BCAR3: variants seen among roughly 807,000 people sequenced by gnomAD.
BCAR3 encodes the protein breast cancer anti-estrogen resistance protein 3.
Under a neutral mutation model 80.1 loss-of-function variants are expected in BCAR3, and 37 were observed. The observed-to-expected ratio is 0.46, with a 90% CI of 0.36 to 0.61. The LOEUF (loss-of-function observed/expected upper bound fraction) is 0.61, where lower values mean the gene tolerates loss of function less well. BCAR3 is among the 20% of genes least tolerant of loss of function. The pLI, the probability that BCAR3 is intolerant of heterozygous loss-of-function variation, is 0.00. For missense variants in BCAR3, 978 were observed against 1,068.2 expected (o/e 0.92, Z 1.18); for synonymous variants, 389 against 418.9 (o/e 0.93, Z 0.87).
chr1:93,663,814 T>C (rs1322357932), intron 2 of BCAR3, among the ~76,000 whole-genome samples: 2 of 152,194 alleles, frequency 1.3e-5, no homozygotes, highest in Non-Finnish European at 2.9e-5. Flanking sequence ...AAGGAGCAGG[T>C]TCAGACTGGA....
intron 2 of BCAR3, among the ~76,000 whole-genome samples, chr1:93,816,105 AGAGAGTGAG>A (rs1414991382): frequency 6.6e-6 from 1 of 152,206 alleles, no homozygotes; most frequent in Non-Finnish European, 1.5e-5. Flanking sequence ...GAAAATTCCA[AGAGAGTGAG>A]GACTATGCTG....
At chr1:93,733,146 G>T (rs1403579472) in intron 2 of BCAR3, among the ~76,000 whole-genome samples, 1 of 151,980 alleles carries the variant, frequency 6.6e-6, no homozygotes, top group Non-Finnish European at 1.5e-5. Flanking sequence ...TTAAAAAAAA[G>T]TCCCTGAGGA....
At chr1:93,745,912 C>T (rs72721102) in intron 2 of BCAR3, among the ~76,000 whole-genome samples, 36 of 152,300 alleles carry the variant, frequency 2.4e-4, no homozygotes, top group Middle Eastern at 3.4e-3. Context: ...AAATATTTTA[C>T]TCTGGGCATG....
chr1:93,815,311 G>A (rs1653977632), intron 2 of BCAR3, among the ~76,000 whole-genome samples: 1 of 152,244 alleles, frequency 6.6e-6, no homozygotes, highest in African/African-American at 2.4e-5. Context: ...GCTCAGAGAC[G>A]GGGAACTATG....
chr1:93,829,554 C>T (rs1414676970), intron 2 of BCAR3, among the ~76,000 whole-genome samples: 1 of 151,936 alleles, frequency 6.6e-6, no homozygotes, highest in African/African-American at 2.4e-5. Flanking sequence ...GAACTCCCAC[C>T]CTTTCTAGCT....
chr1:93,648,730 G>A (rs1234848908), intron 2 of BCAR3: 1 of 152,238 alleles, frequency 6.6e-6, no homozygotes, highest in African/African-American at 2.4e-5. Context: ...CAAGTTACCT[G>A]AGGAGCCTCA....
chr1:93,582,039 C>A (rs1364366222), intron 7 of BCAR3, among the ~76,000 whole-genome samples: 2 of 152,220 alleles, frequency 1.3e-5, no homozygotes, highest in Non-Finnish European at 2.9e-5. Flanking sequence ...AGCAGCCTGC[C>A]ATCCCTCTGT....
At chr1:93,564,757 C>T (rs1373944817) in intron 11 of BCAR3, among the ~76,000 whole-genome samples, 1 of 152,162 alleles carries the variant, frequency 6.6e-6, no homozygotes. Context: ...ATACCATTTG[C>T]AGGATTATAC....
At chr1:93,753,620 G>A (rs1651643980) in intron 2 of BCAR3, 4 of 146,178 alleles carry the variant, frequency 2.7e-5, no homozygotes, top group African/African-American at 1.0e-4. Flanking sequence ...GACTTGGCAG[G>A]GGGACTTTAA....
At chr1:93,641,538 A>G (rs1236023677) in intron 3 of BCAR3, among the ~76,000 whole-genome samples, 2 of 152,270 alleles carry the variant, frequency 1.3e-5, no homozygotes, top group Non-Finnish European at 2.9e-5. Context: ...AAAATAAAGC[A>G]AACAGCAACA....
intron 2 of BCAR3, among the ~76,000 whole-genome samples, chr1:93,789,696 ATGAAG>A (rs761600166): frequency 7.2e-5 from 11 of 152,206 alleles, no homozygotes; most frequent in Non-Finnish European, 1.3e-4. Context: ...TCACCCCTAC[ATGAAG>A]TGCCATCATC....
At chr1:93,844,420 T>C (rs574215916) in intron 2 of BCAR3, among the ~76,000 whole-genome samples, 2 of 152,362 alleles carry the variant, frequency 1.3e-5, no homozygotes, top group South Asian at 2.1e-4. Context: ...AAAGTGGTTA[T>C]AACCCATGCT....
At chr1:93,572,667 G>A (rs1440189795) in intron 8 of BCAR3, among the ~76,000 whole-genome samples, 1 of 152,214 alleles carries the variant, frequency 6.6e-6, no homozygotes, top group African/African-American at 2.4e-5. Flanking sequence ...GGACCCAGGA[G>A]TTAACTGCTT....
At chr1:93,750,265 C>T (rs755180842) in intron 2 of BCAR3, among the ~76,000 whole-genome samples, 40 of 152,170 alleles carry the variant, frequency 2.6e-4, no homozygotes, top group African/African-American at 5.3e-4. Flanking sequence ...CAGGCACCAG[C>T]GAGGGCATCT....
chr1:93,764,688 G>A (rs1421016917), intron 2 of BCAR3, among the ~76,000 whole-genome samples: 1 of 152,136 alleles, frequency 6.6e-6, no homozygotes, highest in Non-Finnish European at 1.5e-5. Flanking sequence ...TCTCCTCAGT[G>A]CCTAGGGTGC....
chr1:93,743,812 T>C (rs1171192436), intron 2 of BCAR3, among the ~76,000 whole-genome samples: 1 of 152,222 alleles, frequency 6.6e-6, no homozygotes, highest in Non-Finnish European at 1.5e-5. Flanking sequence ...ATAAAGATCA[T>C]AGATTGGTCT....
At chr1:93,619,560 T>C (rs939323218) in intron 3 of BCAR3, among the ~76,000 whole-genome samples, 2 of 152,250 alleles carry the variant, frequency 1.3e-5, no homozygotes, top group African/African-American at 4.8e-5. Context: ...TACACTTTTC[T>C]CTTTCCCTTT....
rs184760415 is a variant in BCAR3 at position 93,668,261 on chromosome 1, C to T, written c.317+6353G>A. Among the ~76,000 whole-genome samples the T allele has an allele frequency of 1.1e-4, 16 of 151,996 alleles. No individual in the cohort carries two copies. In the East Asian group the frequency reaches 2.7e-3, roughly 26 times the overall value. On this transcript the variant is annotated intron_variant, in intron 2 of 11. Coordinates refer to ENST00000260502, the MANE Select transcript of BCAR3 (RefSeq NM_003567.4). ...ATCTGTTAACAATTTTTTTTTGCCC[C>T]AGAACAGCTGAGAATGCGTAGATCC...
chr1:93,615,979 A>G (rs1246432189), intron 3 of BCAR3, among the ~76,000 whole-genome samples: 1 of 152,212 alleles, frequency 6.6e-6, no homozygotes, highest in Admixed American at 6.5e-5. Flanking sequence ...GAGACTCCGA[A>G]GCCCAGACAC....
Sources: allele counts gnomAD v4.1 joint callset (sites outside exome capture counted in the v4.1 genomes callset), GRCh38; gene constraint gnomAD v4.1.1; transcripts MANE v1.5; gene names NCBI Gene and HGNC (gene_info 2026-07-23, HGNC 2026-07-21).